The following DARS1 variants were observed in gnomAD, a reference collection of about 807,000 sequenced individuals.
DARS1 encodes the protein aspartyl-tRNA synthetase 1.
In DARS1, 51 loss-of-function variants were observed where a neutral mutation model predicts 68.8. That is an observed-to-expected ratio of 0.74 (90% CI 0.59 to 0.94). The LOEUF (loss-of-function observed/expected upper bound fraction) is 0.94. Among genes scored for constraint, DARS1 ranks in the 40% least tolerant of loss-of-function variants. The pLI is 0.00. For missense variants in DARS1, 607 were observed against 597.3 expected (o/e 1.02, Z -0.17); for synonymous variants, 203 against 190.4 (o/e 1.07, Z -0.55).
chr2:135,917,472 A>G (rs1411417351), intron 10 of DARS1, among the ~76,000 whole-genome samples: 2 of 151,996 alleles, frequency 1.3e-5, no homozygotes, highest in African/African-American at 2.4e-5. Flanking sequence ...TTTACATTCT[A>G]TTTTTATTTT....
chr2:135,953,099 T>A (rs550369774), intron 4 of DARS1, among the ~76,000 whole-genome samples: 1 of 152,332 alleles, frequency 6.6e-6, no homozygotes, highest in South Asian at 2.1e-4. Context: ...CAATTTTGCA[T>A]AGGACGGTTA....
At chr2:135,916,905 G>T (rs555041652) in intron 10 of DARS1, among the ~76,000 whole-genome samples, 12 of 152,198 alleles carry the variant, frequency 7.9e-5, no homozygotes, top group African/African-American at 2.6e-4. Context: ...GATTTAAAAG[G>T]TCTATTTTTG....
At chr2:135,925,107 TTCTC>T (rs536940579) in intron 7 of DARS1, among the ~76,000 whole-genome samples, 1 of 151,896 alleles carries the variant, frequency 6.6e-6, no homozygotes, top group African/African-American at 2.4e-5. Context: ...GTTCTTTCTA[TTCTC>T]TCTCTTTCCC....
At chr2:135,921,853 G>A (rs1323144805) in intron 9 of DARS1, among the ~76,000 whole-genome samples, 1 of 152,112 alleles carries the variant, frequency 6.6e-6, no homozygotes, top group Non-Finnish European at 1.5e-5. Context: ...TATGTACATG[G>A]TACCTAGCAC....
intron 3 of DARS1, among the ~76,000 whole-genome samples, chr2:135,962,876 G>A (rs907476575): frequency 2.6e-5 from 4 of 152,130 alleles, no homozygotes; most frequent in Non-Finnish European, 4.4e-5. Context: ...CCACAGCCAC[G>A]TTACCCCACT....
chr2:135,953,596 G>A (rs1379318348), intron 4 of DARS1, among the ~76,000 whole-genome samples: 1 of 152,054 alleles, frequency 6.6e-6, no homozygotes, highest in Non-Finnish European at 1.5e-5. Flanking sequence ...AGTGGTGTTA[G>A]GTTTCATGTT....
At chr2:135,938,498 C>T (rs1558786258) in intron 5 of DARS1, among the ~76,000 whole-genome samples, 1 of 152,202 alleles carries the variant, frequency 6.6e-6, no homozygotes, top group African/African-American at 2.4e-5. Context: ...CTCAATTTGT[C>T]AAAGTCATTC....
chr2:135,968,802 C>T (rs1406901158), intron 3 of DARS1, among the ~76,000 whole-genome samples: 2 of 151,922 alleles, frequency 1.3e-5, no homozygotes, highest in African/African-American at 4.8e-5. Flanking sequence ...GCTGGGATTA[C>T]AGGCGTGTGC....
chr2:135,947,882 T>C (rs1320317432), intron 4 of DARS1, among the ~76,000 whole-genome samples: 2 of 151,932 alleles, frequency 1.3e-5, no homozygotes, highest in Non-Finnish European at 2.9e-5. Flanking sequence ...TTAGTAATAG[T>C]TTCCCAAATG....
chr2:135,934,617 C>G (rs1210408583), intron 5 of DARS1, among the ~76,000 whole-genome samples: 1 of 151,548 alleles, frequency 6.6e-6, no homozygotes, highest in Non-Finnish European at 1.5e-5. Flanking sequence ...GAGACCCTGT[C>G]TCAAAAAAAC....
chr2:135,957,534 A>T (rs1041998345), intron 4 of DARS1, among the ~76,000 whole-genome samples: 17 of 152,010 alleles, frequency 1.1e-4, no homozygotes, highest in East Asian at 1.9e-4. Context: ...TTTAAAAAAA[A>T]TTTTTTTGGT....
chr2:135,945,430 A>T (rs1426338030), intron 4 of DARS1, among the ~76,000 whole-genome samples: 1 of 152,146 alleles, frequency 6.6e-6, no homozygotes, highest in East Asian at 1.9e-4. Flanking sequence ...GCCCGGCCCA[A>T]ACACATCTGC....
At chr2:135,910,919 C>G (rs553315924) in intron 15 of DARS1, 15 of 453,590 alleles carry the variant, frequency 3.3e-5, no homozygotes, top group Middle Eastern at 6.3e-4. Flanking sequence ...ACAGGATACT[C>G]CACTTACAAG....
At chr2:135,938,182 C>T (rs1461074284) in intron 5 of DARS1, among the ~76,000 whole-genome samples, 2 of 152,118 alleles carry the variant, frequency 1.3e-5, no homozygotes, top group Admixed American at 6.5e-5. Context: ...AGGCTTTGTT[C>T]GTTTCTTTTT....
chr2:135,907,237 G>GTTTTTTTTTTT lies in DARS1; in HGVS notation c.*78_*79insAAAAAAAAAAA, dbSNP rs1680801353. On this transcript the variant is annotated 3_prime_UTR_variant, in exon 16 of 16. Coordinates refer to ENST00000264161, the MANE Select transcript of DARS1 (RefSeq NM_001349.4). ...CAGGTTACTGAAAAGAATAAGTGTG[G>GTTTTTTTTTTT]CTTTCTTTTTTTTTTTTTTTTTTTG... 1 of 750,966 alleles carries GTTTTTTTTTTT rather than the reference G, an allele frequency of 1.3e-6. No individual in the cohort carries two copies. Among genetic ancestry groups the GTTTTTTTTTTT allele is most frequent in the African/African-American group, 2.4e-5 (1 of 42,110 alleles). 46.5% of individuals were successfully genotyped at this position (750,966 alleles called of 1,614,324 possible). A position where few individuals can be genotyped will look rare whatever the true frequency, so the allele number is the denominator to read the frequency against.
chr2:135,975,702 C>T (rs1244862104), intron 3 of DARS1, among the ~76,000 whole-genome samples: 1 of 145,758 alleles, frequency 6.9e-6, no homozygotes, highest in East Asian at 2.0e-4. Context: ...TGCAGTGAAC[C>T]GAGACCACAC....
intron 8 of DARS1, among the ~76,000 whole-genome samples, chr2:135,923,964 C>T (rs1374977931): frequency 2.0e-5 from 3 of 151,990 alleles, no homozygotes; most frequent in East Asian, 1.9e-4. Context: ...TTCGGTGAGC[C>T]GAATTCACAA....
chr2:135,922,739 G>T, intron 9 of DARS1, 45 bp downstream of exon 9: 2 of 1,491,138 alleles, frequency 1.3e-6, no homozygotes, highest in South Asian at 1.4e-5. Flanking sequence ...TATAACTGCT[G>T]TATAATTAAT....
intron 2 of DARS1, among the ~76,000 whole-genome samples, chr2:135,979,812 A>G (rs1465170299): frequency 6.6e-6 from 1 of 152,202 alleles, no homozygotes; most frequent in African/African-American, 2.4e-5. Context: ...ACAGTACCTA[A>G]GTCAGCTAGT....
Sources: gnomAD v4.1 joint callset for allele counts (sites outside exome capture counted in the v4.1 genomes callset) on GRCh38, gnomAD v4.1.1 for gene constraint, MANE v1.5 for transcripts, NCBI Gene and HGNC (gene_info 2026-07-23, HGNC 2026-07-21) for gene names.